JADE2: variants seen among roughly 807,000 people sequenced by gnomAD.
JADE2 encodes the protein E3 ubiquitin-protein ligase Jade-2.
Under a neutral mutation model 85.7 loss-of-function variants are expected in JADE2, and 13 were observed. The ratio of observed to expected loss-of-function variants is 0.15; its 90% CI spans 0.10 to 0.24. The LOEUF (loss-of-function observed/expected upper bound fraction) is 0.24, where lower values mean the gene tolerates loss of function less well. JADE2 is among the 10% of genes least tolerant of loss of function. JADE2 has a pLI of 1.00. For missense variants in JADE2, 846 were observed against 1,115.9 expected (o/e 0.76, Z 3.45); for synonymous variants, 440 against 456.1 (o/e 0.96, Z 0.45).
At chr5:134,527,422 A>T (rs1237312278) in intron 1 of JADE2, among the ~76,000 whole-genome samples, 5 of 152,070 alleles carry the variant, frequency 3.3e-5, no homozygotes, top group African/African-American at 9.7e-5. Context: ...CCTGCGAGAC[A>T]GCCAGGAAGG....
At chr5:134,530,505 G>C (rs1364241934) in intron 1 of JADE2, among the ~76,000 whole-genome samples, 1 of 152,214 alleles carries the variant, frequency 6.6e-6, no homozygotes. Flanking sequence ...CCCAGGGAGT[G>C]GCTGCAGTGG....
intron 1 of JADE2, among the ~76,000 whole-genome samples, chr5:134,532,848 C>T (rs1360485396): frequency 3.3e-5 from 5 of 152,114 alleles, no homozygotes; most frequent in Admixed American, 6.5e-5. Flanking sequence ...AGTGGGAGCT[C>T]GCTGGAGCAA....
At chr5:134,571,534 T>TA (rs1481457368) in intron 9 of JADE2, among the ~76,000 whole-genome samples, 4 of 152,142 alleles carry the variant, frequency 2.6e-5, no homozygotes, top group Non-Finnish European at 2.9e-5. Context: ...CCATCTCTAC[T>TA]AAAAATACAA....
Position 134,580,775 on chromosome 5 carries a change from C to G in JADE2, c.*1458C>G, listed in dbSNP as rs1004308611. 2.0e-5 allele frequency: 3 copies of G among 152,382 alleles called. No homozygotes were observed. The highest frequency in any genetic ancestry group is 7.3e-5 in the African/African-American group (3 of 41,358). 9.4% of individuals were successfully genotyped at this position (152,382 alleles called of 1,614,324 possible). A position where few individuals can be genotyped will look rare whatever the true frequency, so the allele number is the denominator to read the frequency against. On this transcript the variant is annotated 3_prime_UTR_variant, in exon 12 of 12. Transcript: ENST00000681547. ...TTTTTTAAATGGAGTTCTTTAGCAA[C>G]AAAGTATAGAAACATGTTCATTGCA...
chr5:134,576,649 C>T, intron 10 of JADE2, 119 bp from the exon 11 acceptor site: 1 of 1,230,036 alleles, frequency 8.1e-7, no homozygotes, highest in African/African-American at 1.5e-5. Context: ...AACCTTTTTG[C>T]TGTGGAGGGT....
chr5:134,526,250 G>C (rs1224426779), intron 1 of JADE2: 1 of 985,360 alleles, frequency 1.0e-6, no homozygotes, highest in Non-Finnish European at 1.2e-6. Flanking sequence ...GTGCGGGGAG[G>C]CTGAGAGGGG....
rs1409996143 is a variant in JADE2 at position 134,579,053 on chromosome 5, G to A, written c.2241G>A (p.Lys747=). The A allele has an allele frequency of 6.2e-7, 1 of 1,614,040 alleles. No homozygotes were observed. The highest frequency in any genetic ancestry group is 1.7e-5 in the Admixed American group (1 of 60,032). The part of the protein sequence containing the change: ...VQVPGPAASP[K]PLGRLRPPRE... ...TGCCTGGCCCTGCAGCAAGCCCTAAGCCTTTGGGCCGGCTCCGGCCACCCC... is the reference window on the plus strand; with the variant it reads ...TGCCTGGCCCTGCAGCAAGCCCTAAACCTTTGGGCCGGCTCCGGCCACCCC... Residue 747 remains lysine, a synonymous_variant, in exon 12 of 12, where the codon AAG becomes AAA. Coordinates refer to ENST00000681547, the MANE Select transcript of JADE2 (RefSeq NM_001388185.1). The surrounding 1 kb of genome is among the most constrained non-coding windows in gnomAD (Gnocchi z 4.6).
At chr5:134,559,764 C>T in intron 4 of JADE2, 66 bp from the exon 5 acceptor site, 8 of 1,532,826 alleles carry the variant, frequency 5.2e-6, no homozygotes, top group Non-Finnish European at 6.1e-6. Flanking sequence ...TGGTCAGCTC[C>T]CTGGAGCCCC....
chr5:134,560,605 C>T, intron 5 of JADE2, 141 bp from the exon 6 acceptor site: 1 of 674,678 alleles, frequency 1.5e-6, no homozygotes, highest in Non-Finnish European at 2.5e-6. Flanking sequence ...GGAGCTGCTT[C>T]TCCCAGGTCC....
intron 8 of JADE2, among the ~76,000 whole-genome samples, chr5:134,565,661 A>G (rs980483265): frequency 6.6e-6 from 1 of 152,176 alleles, no homozygotes; most frequent in Non-Finnish European, 1.5e-5. Context: ...CCTGGCCAAC[A>G]TGGCGAAACC....
chr5:134,559,851 C>G lies in JADE2; in HGVS notation c.333C>G (p.Gly111=). The change falls in exon 5 of 12, where the codon GGC becomes GGG. Residue 111 remains glycine (G), a synonymous_variant. Transcript: ENST00000681547. ...PVVRILPPLE[G]PPAQASPSST... The stretch of plus-strand genomic sequence containing the variant: ...CTAGGATCCTCCCACCACTGGAAGG[C>G]CCCCCTGCCCAGGCATCCCCGAGCA... 1 of 1,609,840 alleles carries G rather than the reference C, an allele frequency of 6.2e-7. No homozygotes were observed. The highest frequency in any genetic ancestry group is 8.5e-7 in the Non-Finnish European group (1 of 1,178,328).
At chr5:134,524,922 C>T (rs1213634213), upstream of JADE2, among the ~76,000 whole-genome samples, 1 of 152,198 alleles carries the variant, frequency 6.6e-6, no homozygotes, top group Non-Finnish European at 1.5e-5. Context: ...TGCTGCAAAA[C>T]GCCACGCAAT....
chr5:134,552,537 T>C (rs1236734739), intron 4 of JADE2, among the ~76,000 whole-genome samples: 1 of 152,120 alleles, frequency 6.6e-6, no homozygotes, highest in East Asian at 1.9e-4. Context: ...TAACAATAAC[T>C]AACCTACTCA....
At chr5:134,526,041 T>C (rs934335104) in intron 1 of JADE2, 30 bp downstream of exon 1, 3 of 985,296 alleles carry the variant, frequency 3.0e-6, no homozygotes, top group Non-Finnish European at 3.6e-6. Context: ...GGATGGGCCC[T>C]GCGCATCTCC....
chr5:134,526,193 G>T, intron 1 of JADE2, 182 bp downstream of exon 1: 1 of 985,272 alleles, frequency 1.0e-6, no homozygotes, highest in Non-Finnish European at 1.2e-6. Context: ...GCACAGCACA[G>T]GGGAGAGAGA....
At chr5:134,576,706 G>A in intron 10 of JADE2, 62 bp from the exon 11 acceptor site, 1 of 1,544,506 alleles carries the variant, frequency 6.5e-7, no homozygotes, top group Non-Finnish European at 8.8e-7. Context: ...CAGGGATCTT[G>A]GTGCTGACCG....
chr5:134,570,649 C>T (rs1045086885), intron 9 of JADE2, among the ~76,000 whole-genome samples: 4 of 152,204 alleles, frequency 2.6e-5, no homozygotes, highest in Non-Finnish European at 5.9e-5. Flanking sequence ...CTCTCAGCAG[C>T]GGCTGCCACA....
chr5:134,552,754 C>A (rs1475583660), intron 4 of JADE2, among the ~76,000 whole-genome samples: 1 of 151,982 alleles, frequency 6.6e-6, no homozygotes, highest in Non-Finnish European at 1.5e-5. Context: ...CCCACTGAAG[C>A]CTTGACCTCC....
rs1160758941 is a variant in JADE2 at position 134,531,883 on chromosome 5, C to CTTTTTTTTTTTTTT, written c.1-3958_1-3945dup. The stretch of plus-strand genomic sequence containing the variant: ...TATAAGGATGAGCCACCGTGCCTGG[C>CTTTTTTTTTTTTTT]TTTTTTTTTTTTTTTTTTTTTTTTT... On this transcript the variant is annotated intron_variant, in intron 1 of 11. Transcript: ENST00000681547. Among the ~76,000 whole-genome samples the CTTTTTTTTTTTTTT allele has an allele frequency of 7.8e-5, 3 of 38,480 alleles. 1 individual carries two copies. The highest frequency in any genetic ancestry group is 1.4e-4 in the Non-Finnish European group (3 of 21,810). 25.2% of individuals were successfully genotyped at this position (38,480 alleles called of 152,430 possible).
Sources: allele counts gnomAD v4.1 joint callset (sites outside exome capture counted in the v4.1 genomes callset), GRCh38; gene constraint gnomAD v4.1.1; non-coding constraint Gnocchi (gnomAD v3.1); transcripts MANE v1.5; gene names NCBI Gene and HGNC (gene_info 2026-07-23, HGNC 2026-07-21).